Variants in TLCD4 observed in about 807,000 individuals in gnomAD.
TLCD4 encodes TLC domain containing 4, also known as TLC domain-containing protein 4.
In TLCD4, 7 loss-of-function variants were observed where a neutral mutation model predicts 24.2. The ratio of observed to expected loss-of-function variants is 0.29; its 90% CI spans 0.16 to 0.54. TLCD4 has a LOEUF of 0.54. Ranked by LOEUF, TLCD4 falls within the 20% of genes least tolerant of loss-of-function variation. The pLI is 0.95. For missense variants in TLCD4, 259 were observed against 313.9 expected (o/e 0.82, Z 1.32); for synonymous variants, 103 against 106.4 (o/e 0.97, Z 0.20).
At chr1:95,123,741 CT>C (rs1676632866) in intron 1 of TLCD4, among the ~76,000 whole-genome samples, 1 of 151,974 alleles carries the variant, frequency 6.6e-6, no homozygotes, top group African/African-American at 2.4e-5. Context: ...CTTTTATCAC[CT>C]TTTTCATTTA....
intron 4 of TLCD4, among the ~76,000 whole-genome samples, chr1:95,150,634 A>G (rs1677469865): frequency 6.6e-6 from 1 of 152,064 alleles, no homozygotes; most frequent in East Asian, 1.9e-4. Flanking sequence ...TCCAGTAGTC[A>G]TGGTTTTGTG....
chr1:95,182,393 T>A (rs1678676232), intron 6 of TLCD4, among the ~76,000 whole-genome samples: 1 of 152,176 alleles, frequency 6.6e-6, no homozygotes, highest in Non-Finnish European at 1.5e-5. Flanking sequence ...AGAAATGCCT[T>A]ATGTGTACTT....
At chr1:95,101,908 A>G in the TLCD4 span, among the ~76,000 whole-genome samples, 1 of 152,220 alleles carries the variant, frequency 6.6e-6, no homozygotes, top group Non-Finnish European at 1.5e-5. Flanking sequence ...AAAATGGAGA[A>G]TGACTAGTAG....
upstream of TLCD4, among the ~76,000 whole-genome samples, chr1:95,115,848 CT>C (rs1174734923): frequency 6.6e-6 from 1 of 152,168 alleles, no homozygotes; most frequent in Admixed American, 6.5e-5. Flanking sequence ...GATACAGACT[CT>C]TGAGAGGACA....
At chr1:95,120,364 G>A (rs1463460198) in intron 1 of TLCD4, 1 of 152,306 alleles carries the variant, frequency 6.6e-6, no homozygotes, top group East Asian at 1.9e-4. Context: ...AGGATGAAAG[G>A]TTGCACACAA....
intron 1 of TLCD4, chr1:95,125,538 A>T (rs1033231389): frequency 1.3e-5 from 2 of 152,210 alleles, no homozygotes; most frequent in Admixed American, 1.3e-4. Context: ...GAGGAGGGAA[A>T]GAGTAGATCA....
intron 2 of TLCD4, among the ~76,000 whole-genome samples, chr1:95,146,302 A>T (rs1677346139): frequency 1.3e-5 from 2 of 152,104 alleles, no homozygotes; most frequent in African/African-American, 4.8e-5. Context: ...CTTATAATGT[A>T]AAAAAATTTT....
chr1:95,105,260 G>A, the TLCD4 span, among the ~76,000 whole-genome samples: 2 of 152,158 alleles, frequency 1.3e-5, no homozygotes, highest in African/African-American at 4.8e-5. Flanking sequence ...TCGAAAAATT[G>A]TTAAGCTGGA....
the TLCD4 span, among the ~76,000 whole-genome samples, chr1:95,105,023 A>G: frequency 3.9e-5 from 6 of 152,204 alleles, no homozygotes; most frequent in Non-Finnish European, 7.3e-5. Flanking sequence ...CTCTGACTCA[A>G]TAACAATAAA....
At chr1:95,141,673 G>T (rs956423517) in intron 1 of TLCD4, among the ~76,000 whole-genome samples, 2 of 151,940 alleles carry the variant, frequency 1.3e-5, no homozygotes, top group African/African-American at 4.8e-5. Context: ...TAGGCTAAAA[G>T]ACCACAAATT....
At chr1:95,144,121 A>G (rs1427955844) in intron 2 of TLCD4, 65 bp downstream of exon 2, 1 of 1,280,664 alleles carries the variant, frequency 7.8e-7, no homozygotes, top group East Asian at 3.1e-5. Context: ...TATTTAAAAT[A>G]TTTCAAAAAA....
intron 5 of TLCD4, among the ~76,000 whole-genome samples, chr1:95,171,556 A>G (rs1164235603): frequency 6.6e-6 from 1 of 152,222 alleles, no homozygotes; most frequent in Non-Finnish European, 1.5e-5. Context: ...GTATTTTCTG[A>G]GAGTTCAGAT....
chr1:95,176,022 C>T (rs1053798702), intron 6 of TLCD4, among the ~76,000 whole-genome samples: 1 of 152,058 alleles, frequency 6.6e-6, no homozygotes, highest in African/African-American at 2.4e-5. Flanking sequence ...GCGATCCTCC[C>T]ACTTTGGCCT....
intron 1 of TLCD4, among the ~76,000 whole-genome samples, chr1:95,120,460 C>G (rs188622444): frequency 1.3e-5 from 2 of 152,288 alleles, no homozygotes; most frequent in East Asian, 3.9e-4. Flanking sequence ...CCTGATCAGG[C>G]AGGATAAGGC....
chr1:95,098,876 C>T, the TLCD4 span, among the ~76,000 whole-genome samples: 1 of 150,268 alleles, frequency 6.7e-6, no homozygotes, highest in African/African-American at 2.5e-5. Flanking sequence ...ACCAGCCTGA[C>T]CAACATGGAG....
At chr1:95,190,401 G>A (rs1678985742) in intron 6 of TLCD4, among the ~76,000 whole-genome samples, 1 of 151,980 alleles carries the variant, frequency 6.6e-6, no homozygotes, top group Non-Finnish European at 1.5e-5. Context: ...TGTGATCTCG[G>A]CTCATTGCAA....
At chr1:95,191,055 T>C (rs867192415) in intron 6 of TLCD4, among the ~76,000 whole-genome samples, 3 of 152,166 alleles carry the variant, frequency 2.0e-5, no homozygotes, top group Non-Finnish European at 2.9e-5. Context: ...AGATGCAAGA[T>C]CATACAGGTT....
the TLCD4 span, among the ~76,000 whole-genome samples, chr1:95,102,581 G>A: frequency 1.3e-5 from 2 of 152,148 alleles, no homozygotes; most frequent in African/African-American, 4.8e-5. Context: ...AGAGTCTTGG[G>A]AATATAGGTC....
At chr1:95,096,260 T>C in the TLCD4 span, among the ~76,000 whole-genome samples, 1 of 152,274 alleles carries the variant, frequency 6.6e-6, no homozygotes, top group African/African-American at 2.4e-5. Flanking sequence ...TGCCTGTTTT[T>C]GTAAATAAAG....
Sources: gnomAD v4.1 joint callset for allele counts (sites outside exome capture counted in the v4.1 genomes callset) on GRCh38, gnomAD v4.1.1 for gene constraint, MANE v1.5 for transcripts, NCBI Gene and HGNC (gene_info 2026-07-23, HGNC 2026-07-21) for gene names.